Variants in CACNA1C observed in about 807,000 individuals in gnomAD.
CACNA1C encodes the protein calcium voltage-gated channel subunit alpha1 C, also known as voltage-dependent L-type calcium channel subunit alpha-1C.
CACNA1C carries 30 observed loss-of-function variants against 229.0 expected under a neutral mutation model. The ratio of observed to expected loss-of-function variants is 0.13; its 90% CI spans 0.10 to 0.18. The LOEUF is 0.18. Ranked by LOEUF, CACNA1C falls within the 10% of genes least tolerant of loss-of-function variation. CACNA1C has a pLI of 1.00. For missense variants in CACNA1C, 1,658 were observed against 2,845.0 expected (o/e 0.58, Z 9.49); for synonymous variants, 1,114 against 1,132.5 (o/e 0.98, Z 0.33).
intron 22 of CACNA1C, among the ~76,000 whole-genome samples, chr12:2,604,857 A>T (rs1025513953): frequency 6.6e-6 from 1 of 152,138 alleles, no homozygotes; most frequent in African/African-American, 2.4e-5. Context: ...CATATTATTT[A>T]GTCACCCACA....
Position 2,677,576 on chromosome 12 carries a change from C to T in CACNA1C, c.4957-157C>T, listed in dbSNP as rs2096887696. On this transcript the variant is annotated intron_variant, in intron 40 of 46. Transcript: ENST00000399655. The surrounding 1 kb of genome is among the most constrained non-coding windows in gnomAD (Gnocchi z 7.4). ...TTGTTCCATCAGAGGGCAGCCCAGCCCCCAGTTCACACACACACAAACCTT... is the reference window on the plus strand; with the variant it reads ...TTGTTCCATCAGAGGGCAGCCCAGCTCCCAGTTCACACACACACAAACCTT... The T allele has an allele frequency of 5.0e-6, 4 of 807,952 alleles. No individual in the cohort carries two copies. In the African/African-American group the frequency reaches 6.8e-5, roughly 14 times the overall value. The allele number at this position is 807,952 out of a possible 1,614,324, so 50.0% of individuals were successfully genotyped here. A position where few individuals can be genotyped will look rare whatever the true frequency, so the allele number is the denominator to read the frequency against.
intron 1 of CACNA1C, among the ~76,000 whole-genome samples, chr12:2,094,360 C>G (rs1218902561): frequency 6.6e-6 from 1 of 152,152 alleles, no homozygotes; most frequent in Non-Finnish European, 1.5e-5. Context: ...AGCGGAGCAC[C>G]CCCAGTAAGT....
chr12:2,104,499 A>AT (rs1248725538), intron 1 of CACNA1C, among the ~76,000 whole-genome samples: 9 of 152,164 alleles, frequency 5.9e-5, no homozygotes, highest in African/African-American at 2.2e-4. Context: ...CTAAATATAT[A>AT]ATCATGTTAT....
intron 3 of CACNA1C, among the ~76,000 whole-genome samples, chr12:2,257,837 T>C (rs1371115411): frequency 6.6e-6 from 1 of 152,254 alleles, no homozygotes. Context: ...GGTATATTCT[T>C]TATACCTGTT....
At chr12:2,557,905 G>C (rs1271946204) in intron 11 of CACNA1C, among the ~76,000 whole-genome samples, 1 of 152,216 alleles carries the variant, frequency 6.6e-6, no homozygotes, top group East Asian at 1.9e-4. Context: ...ATACATGTGT[G>C]TTGAATGAAT....
chr12:2,323,656 C>A (rs951350076), intron 3 of CACNA1C, among the ~76,000 whole-genome samples: 8 of 152,240 alleles, frequency 5.3e-5, no homozygotes, highest in African/African-American at 1.7e-4. Flanking sequence ...CATCCCTGCC[C>A]AGTGACAGCT....
At chr12:2,169,267 C>T (rs2096376800) in intron 3 of CACNA1C, among the ~76,000 whole-genome samples, 1 of 152,150 alleles carries the variant, frequency 6.6e-6, no homozygotes, top group South Asian at 2.1e-4. Flanking sequence ...GATTGCACGG[C>T]TTTTTACTTT....
intron 5 of CACNA1C, among the ~76,000 whole-genome samples, chr12:2,472,598 C>CTA (rs2099599051): frequency 6.7e-6 from 1 of 149,278 alleles, no homozygotes; most frequent in Non-Finnish European, 1.5e-5. Context: ...GTAGCACTCT[C>CTA]TCTATATATA....
intron 3 of CACNA1C, among the ~76,000 whole-genome samples, chr12:2,220,174 C>T (rs771052301): frequency 3.3e-5 from 5 of 152,162 alleles, no homozygotes; most frequent in Non-Finnish European, 7.3e-5. Flanking sequence ...TATATAGAGT[C>T]AGATAGATAT....
intron 3 of CACNA1C, among the ~76,000 whole-genome samples, chr12:2,327,088 G>T (rs2096339609): frequency 6.6e-6 from 1 of 152,220 alleles, no homozygotes; most frequent in Non-Finnish European, 1.5e-5. Flanking sequence ...CAGCTAGTGA[G>T]CTGGAAGCAT....
At chr12:2,007,961 TA>T (rs1039056081) in intron 1 of CACNA1C, among the ~76,000 whole-genome samples, 4 of 150,744 alleles carry the variant, frequency 2.7e-5, no homozygotes, top group East Asian at 1.9e-4. Context: ...TTTCCAATTC[TA>T]AAAAAAAACA....
chr12:2,439,239 T>C (rs1214203077), intron 3 of CACNA1C, among the ~76,000 whole-genome samples: 2 of 152,204 alleles, frequency 1.3e-5, no homozygotes, highest in Non-Finnish European at 2.9e-5. Context: ...CATTTGGGCT[T>C]CCTCTCAACT....
Position 2,633,912 on chromosome 12 carries a change from T to G in CACNA1C, c.3829-385T>G, listed in dbSNP as rs1328911935. Among the ~76,000 whole-genome samples the G allele has an allele frequency of 1.3e-5, 2 of 152,212 alleles. No individual in the cohort carries two copies. Among genetic ancestry groups the G allele is most frequent in the Admixed American group, 1.3e-4 (2 of 15,292 alleles). On this transcript the variant is annotated intron_variant, in intron 29 of 46. Transcript: ENST00000399655. The surrounding 1 kb of genome is among the most constrained non-coding windows in gnomAD (Gnocchi z 5.8). ...AAAAAGTGGGAGCTTCTCCTCCTTT[T>G]TTTCCATTTACCTCAGCTCTGCCCG...
intron 3 of CACNA1C, among the ~76,000 whole-genome samples, chr12:2,198,536 C>T (rs913108672): frequency 7.9e-5 from 12 of 152,224 alleles, no homozygotes; most frequent in Admixed American, 3.9e-4. Flanking sequence ...TTCTCCACAT[C>T]ACCAAATTGT....
rs1592145195 is a variant in CACNA1C, at chr12:2,302,044, T to G, written c.478-146932T>G. ...ATTTATTAGGAAACAATTTGTAAAC[T>G]TTGGTTCACTTACAAGAAAGAAGTG... On this transcript the variant is annotated intron_variant, in intron 3 of 46. Transcript: ENST00000399655. Among the ~76,000 whole-genome samples, 3 of 152,198 alleles carry G rather than the reference T, an allele frequency of 2.0e-5. No homozygotes were observed. The South Asian group carries it at 6.2e-4, about 32-fold the overall frequency.
At chr12:2,259,501 G>C (rs936612989) in intron 3 of CACNA1C, among the ~76,000 whole-genome samples, 1 of 152,206 alleles carries the variant, frequency 6.6e-6, no homozygotes, top group Middle Eastern at 3.2e-3. Context: ...TCTTTAAGAA[G>C]CAGAGCCGCT....
In CACNA1C at chr12:2,121,788, C is replaced by T. The variant is rs550081321; in HGVS notation, c.477+1358C>T. Among the ~76,000 whole-genome samples, 19 of 152,362 alleles carry T rather than the reference C, an allele frequency of 1.2e-4. No individual in the cohort carries two copies. In the East Asian group the frequency reaches 3.1e-3, roughly 25 times the overall value. Reference sequence around the variant, plus strand: ...GTTCCATTTCTTCCCTGTGTAGCCACCTCCTTCCTCTGCCATGGTCCTCCC... The same window carrying T: ...GTTCCATTTCTTCCCTGTGTAGCCATCTCCTTCCTCTGCCATGGTCCTCCC... On this transcript the variant is annotated intron_variant, in intron 3 of 46. Transcript: ENST00000399655.
intron 7 of CACNA1C, among the ~76,000 whole-genome samples, chr12:2,497,227 G>C (rs1463275694): frequency 1.3e-5 from 2 of 152,204 alleles, no homozygotes; most frequent in East Asian, 3.8e-4. Context: ...CAGTTGGTTT[G>C]AAACTCTGAG....
chr12:2,077,703 C>T (rs1424955948), intron 1 of CACNA1C, among the ~76,000 whole-genome samples: 1 of 152,066 alleles, frequency 6.6e-6, no homozygotes, highest in African/African-American at 2.4e-5. Flanking sequence ...ATTGGGGGAG[C>T]TGGAATGGAA....
Sources: gnomAD v4.1 joint callset for allele counts (sites outside exome capture counted in the v4.1 genomes callset) on GRCh38, gnomAD v4.1.1 for gene constraint, Gnocchi (gnomAD v3.1) non-coding constraint, MANE v1.5 for transcripts, NCBI Gene and HGNC (gene_info 2026-07-23, HGNC 2026-07-21) for gene names.